The following MIR2052HG variants were observed in gnomAD, a reference collection of about 807,000 sequenced individuals.
MIR2052HG encodes MIR2052 host gene.
chr8:74,637,515 A>G (rs1161547882), intron 2 of MIR2052HG, among the ~76,000 whole-genome samples: 1 of 152,126 alleles, frequency 6.6e-6, no homozygotes, highest in East Asian at 1.9e-4. Flanking sequence ...AACACAGCCA[A>G]TTTTAACAGA....
chr8:74,741,162 T>C (rs916006964), intron 4 of MIR2052HG, among the ~76,000 whole-genome samples: 1 of 152,226 alleles, frequency 6.6e-6, no homozygotes, highest in African/African-American at 2.4e-5. Flanking sequence ...TTTGAATGAT[T>C]TAAAGCCAAG....
At chr8:74,751,074 A>C (rs974184460) in intron 4 of MIR2052HG, among the ~76,000 whole-genome samples, 5 of 152,174 alleles carry the variant, frequency 3.3e-5, no homozygotes, top group African/African-American at 9.7e-5. Context: ...CCACTCATTA[A>C]AATGTATTTG....
At chr8:74,741,924 G>A (rs781221836) in intron 4 of MIR2052HG, among the ~76,000 whole-genome samples, 15 of 152,302 alleles carry the variant, frequency 9.8e-5, no homozygotes, top group East Asian at 1.9e-4. Context: ...GCATTGCCTT[G>A]TTCAGCCTCA....
At chr8:74,729,587 G>A (rs929009206) in intron 4 of MIR2052HG, among the ~76,000 whole-genome samples, 1 of 151,994 alleles carries the variant, frequency 6.6e-6, no homozygotes, top group Non-Finnish European at 1.5e-5. Context: ...AAATCAAAAT[G>A]AAAAATAGAA....
intron 4 of MIR2052HG, among the ~76,000 whole-genome samples, chr8:74,737,843 T>A (rs544046146): frequency 6.6e-6 from 1 of 152,326 alleles, no homozygotes; most frequent in South Asian, 2.1e-4. Flanking sequence ...TTTTGGCCCT[T>A]CCTGTTTAGT....
chr8:74,755,611 C>T (rs77521576), intron 5 of MIR2052HG, among the ~76,000 whole-genome samples: 5,599 of 152,174 alleles, frequency 0.037, 366 homozygotes, highest in African/African-American at 0.13. Context: ...TTCTTTTTGG[C>T]GCTTCTAAGA....
At chr8:74,696,459 AG>A (rs1351180245) in intron 2 of MIR2052HG, among the ~76,000 whole-genome samples, 2 of 152,152 alleles carry the variant, frequency 1.3e-5, no homozygotes, top group African/African-American at 4.8e-5. Flanking sequence ...GCAGAAGAAA[AG>A]AAATAACCAA....
At chr8:74,724,261 T>C (rs967251133) in intron 4 of MIR2052HG, among the ~76,000 whole-genome samples, 2 of 152,054 alleles carry the variant, frequency 1.3e-5, no homozygotes, top group Non-Finnish European at 2.9e-5. Flanking sequence ...AAAAAAACCA[T>C]GTGCAGAATA....
intron 5 of MIR2052HG, among the ~76,000 whole-genome samples, chr8:74,754,640 C>T (rs527385838): frequency 1.6e-4 from 24 of 152,106 alleles, no homozygotes; most frequent in Non-Finnish European, 3.2e-4. Context: ...TGGTTTTCAG[C>T]CCCAGACTAC....
chr8:74,629,676 G>A, intron 2 of MIR2052HG, among the ~76,000 whole-genome samples: 1 of 152,142 alleles, frequency 6.6e-6, no homozygotes, highest in Non-Finnish European at 1.5e-5. Flanking sequence ...ACTCACAGAA[G>A]CTGGGGGTGG....
chr8:74,644,832 A>G (rs1277350069), intron 2 of MIR2052HG, among the ~76,000 whole-genome samples: 1 of 152,142 alleles, frequency 6.6e-6, no homozygotes, highest in Admixed American at 6.6e-5. Flanking sequence ...TTGAGGCTGC[A>G]GTGAGCTATA....
chr8:74,708,378 G>A (rs1809431998), intron 4 of MIR2052HG, among the ~76,000 whole-genome samples: 1 of 152,082 alleles, frequency 6.6e-6, no homozygotes, highest in Admixed American at 6.6e-5. Context: ...CCTTCCTCAT[G>A]AGAACCAAAC....
chr8:74,679,982 T>C (rs1482109552), intron 2 of MIR2052HG, among the ~76,000 whole-genome samples: 1 of 152,190 alleles, frequency 6.6e-6, no homozygotes, highest in Non-Finnish European at 1.5e-5. Flanking sequence ...AAACGTAAAA[T>C]ATATGGATAC....
At chr8:74,733,090 T>A (rs1237726710) in intron 4 of MIR2052HG, among the ~76,000 whole-genome samples, 4 of 143,728 alleles carry the variant, frequency 2.8e-5, no homozygotes, top group Non-Finnish European at 6.0e-5. Context: ...TTATTTATTT[T>A]ATTATTATAC....
intron 1 of MIR2052HG, among the ~76,000 whole-genome samples, chr8:74,601,738 A>G (rs570640080): frequency 1.3e-5 from 2 of 152,342 alleles, no homozygotes; most frequent in South Asian, 4.1e-4. Context: ...TCAACACAGT[A>G]AACATTTAAT....
Position 74,603,213 on chromosome 8 carries a change from T to A in MIR2052HG, n.128+3305T>A, listed in dbSNP as rs569698048. 2.7e-6 allele frequency: 3 copies of A among 1,119,848 alleles called. No homozygotes were observed. In the South Asian group the frequency reaches 3.7e-5, roughly 14 times the overall value. The allele number at this position is 1,119,848 out of a possible 1,614,324, so 69.4% of individuals were successfully genotyped here. A position where few individuals can be genotyped will look rare whatever the true frequency, so the allele number is the denominator to read the frequency against. On this transcript the variant is annotated intron_variant and non_coding_transcript_variant, in intron 1 of 6. Transcript: ENST00000523442. Reference sequence around the variant, plus strand: ...CTATTTAAAACCTGAAATCGCTGACTGTTCAGAAACTACACAGATGGATCA... The same window carrying A: ...CTATTTAAAACCTGAAATCGCTGACAGTTCAGAAACTACACAGATGGATCA...
intron 2 of MIR2052HG, among the ~76,000 whole-genome samples, chr8:74,665,818 G>C (rs988474493): frequency 1.3e-5 from 2 of 152,114 alleles, no homozygotes; most frequent in East Asian, 3.9e-4. Context: ...CATGGGAGAG[G>C]GTCTTTCCCT....
At chr8:74,673,907 A>ATATATATATG (rs1378017972) in intron 2 of MIR2052HG, among the ~76,000 whole-genome samples, 1 of 139,770 alleles carries the variant, frequency 7.2e-6, no homozygotes, top group Non-Finnish European at 1.5e-5. Context: ...ATATATATAT[A>ATATATATATG]TATACACACA....
intron 1 of MIR2052HG, among the ~76,000 whole-genome samples, chr8:74,600,094 G>A (rs933379395): frequency 2.0e-5 from 3 of 152,018 alleles, no homozygotes; most frequent in Non-Finnish European, 4.4e-5. Flanking sequence ...GCTGGTGCAC[G>A]GTGTGCACAG....
Sources: allele counts gnomAD v4.1 joint callset (sites outside exome capture counted in the v4.1 genomes callset), GRCh38; gene constraint gnomAD v4.1.1; transcripts MANE v1.5; gene names NCBI Gene and HGNC (gene_info 2026-07-23, HGNC 2026-07-21).